Variants in XYLT1 observed in about 807,000 individuals in gnomAD.
XYLT1 encodes xylosyltransferase 1, also known as beta-D-xylosyltransferase 1.
Under a neutral mutation model 91.3 loss-of-function variants are expected in XYLT1, and 36 were observed. The observed-to-expected ratio is 0.39, with a 90% CI of 0.30 to 0.52. The LOEUF (loss-of-function observed/expected upper bound fraction) is 0.52, where lower values mean the gene tolerates loss of function less well. Among genes scored for constraint, XYLT1 ranks in the 20% least tolerant of loss-of-function variants. The probability of loss-of-function intolerance (pLI) is 0.68; values close to 1 mark genes in which losing one functional copy is unlikely to be tolerated. For missense variants in XYLT1, 1,242 were observed against 1,284.5 expected, an observed-to-expected ratio of 0.97 and a Z score of 0.51; for synonymous variants, 588 against 532.0, an observed-to-expected ratio of 1.11 and a Z score of -1.45.
At position 17,141,210 on chromosome 16, in the gene XYLT1, T is replaced by G; in HGVS notation, c.1530A>C (p.Thr510=). The G allele has an allele frequency of 6.2e-7, 1 of 1,614,252 alleles. No individual in the cohort carries two copies. The highest frequency in any genetic ancestry group is 1.1e-5 in the South Asian group (1 of 91,090). The change falls in exon 7 of 12, where the codon ACA becomes ACC. Residue 510 remains threonine, a synonymous_variant. Coordinates refer to ENST00000261381, the MANE Select transcript of XYLT1 (RefSeq NM_022166.4). The part of the protein sequence containing the change: ...RRFVEYVTFS[T]DDLVTKMKQF... ...GTTTCATCTTGGTCACCAGATCGTC[T>G]GTGGAGAAGGTCACATATTCTACAA... is the stretch of plus-strand genomic sequence containing the variant.
chr16:17,342,382 G>C (rs898989563), intron 2 of XYLT1, among the ~76,000 whole-genome samples: 1 of 151,942 alleles, frequency 6.6e-6, no homozygotes, highest in African/African-American at 2.4e-5. Flanking sequence ...GTCCTCCCCT[G>C]CTTTGCTCTC....
At chr16:17,339,993 C>T (rs2141846090) in intron 2 of XYLT1, among the ~76,000 whole-genome samples, 1 of 151,874 alleles carries the variant, frequency 6.6e-6, no homozygotes, top group African/African-American at 2.4e-5. Flanking sequence ...CCTTGTCCAC[C>T]CATCCCTCTA....
intron 3 of XYLT1, among the ~76,000 whole-genome samples, chr16:17,232,184 AC>A (rs2033168181): frequency 6.9e-6 from 1 of 144,084 alleles, no homozygotes; most frequent in Non-Finnish European, 1.5e-5. Context: ...TACAATATAT[AC>A]TATATATAAA....
At position 17,259,146 on chromosome 16, in the gene XYLT1, T is replaced by C. The variant is rs1195845273; in HGVS notation, c.755A>G (p.Asp252Gly). The C allele has an allele frequency of 2.5e-6, 4 of 1,595,364 alleles. 1 individual carries two copies. Among genetic ancestry groups the C allele is most frequent in the Admixed American group, 3.5e-5 (2 of 56,686 alleles). ...TGAGATGTCACACTTAGGGGGCTGG[T>C]CATACTTGGTCTCGGGGGAGCTGCC... ...TGGSSPETKY[D>G]QPPKCDISGK... Residue 252 changes from aspartate (D) to glycine (G), a missense_variant, in exon 3 of 12, where the codon GAC becomes GGC. Asp to Gly is a moderately conservative substitution (Grantham distance 94). Coordinates refer to ENST00000261381, the MANE Select transcript of XYLT1 (RefSeq NM_022166.4).
At chr16:17,319,817 T>A (rs1011540059) in intron 2 of XYLT1, among the ~76,000 whole-genome samples, 2 of 152,156 alleles carry the variant, frequency 1.3e-5, no homozygotes, top group Non-Finnish European at 2.9e-5. Flanking sequence ...CTCACCCCAT[T>A]TCTGGGCCTT....
chr16:17,317,963 A>G (rs1246906235), intron 2 of XYLT1, among the ~76,000 whole-genome samples: 1 of 152,140 alleles, frequency 6.6e-6, no homozygotes, highest in African/African-American at 2.4e-5. Context: ...CAATGCTGGG[A>G]TCAGTTAATT....
intron 5 of XYLT1, among the ~76,000 whole-genome samples, chr16:17,188,476 C>A (rs925376704): frequency 1.3e-5 from 2 of 152,112 alleles, no homozygotes; most frequent in Non-Finnish European, 2.9e-5. Flanking sequence ...CCCAAGCTAC[C>A]CCCTCTTCCT....
Position 17,108,916 on chromosome 16 carries a change from G to A in XYLT1, c.2659C>T (p.Gln887Ter). The part of the protein sequence containing the change: ...PVLSLPINPA[Q>*]VEQARRNAAS... ...GCGTTCCTCCGTGCCTGTTCCACCT[G>A]GGCGGGGTTGATGGGCAGGCTGAGG... The change falls in exon 12 of 12, where the codon CAG (glutamine) becomes TAG (stop). Residue 887 changes from glutamine to a stop codon, truncating the protein, a stop_gained. Transcript: ENST00000261381. LOFTEE classifies it high-confidence loss of function. 6.2e-7 allele frequency: 1 copy of A among 1,602,462 alleles called. No individual in the cohort carries two copies. The highest frequency in any genetic ancestry group is 8.5e-7 in the Non-Finnish European group (1 of 1,171,422).
intron 2 of XYLT1, among the ~76,000 whole-genome samples, chr16:17,303,483 T>C (rs962164832): frequency 3.2e-4 from 48 of 152,342 alleles, no homozygotes; most frequent in African/African-American, 1.1e-3. Context: ...TTTGTGAGCA[T>C]ATAAAAATGT....
chr16:17,464,220 G>A (rs1250478417), intron 1 of XYLT1, among the ~76,000 whole-genome samples: 1 of 152,152 alleles, frequency 6.6e-6, no homozygotes, highest in African/African-American at 2.4e-5. Context: ...CGGGCACAGT[G>A]GCTCACATCT....
At chr16:17,423,001 TC>T (rs1438527496) in intron 1 of XYLT1, among the ~76,000 whole-genome samples, 23 of 152,132 alleles carry the variant, frequency 1.5e-4, no homozygotes, top group African/African-American at 5.3e-4. Flanking sequence ...CCCTGCAAAG[TC>T]CCCGTACAGA....
At chr16:17,265,852 A>G (rs1437512239) in intron 2 of XYLT1, among the ~76,000 whole-genome samples, 1 of 152,064 alleles carries the variant, frequency 6.6e-6, no homozygotes, top group Non-Finnish European at 1.5e-5. Flanking sequence ...GGTTGCCGTG[A>G]TTTTTAAACT....
intron 5 of XYLT1, among the ~76,000 whole-genome samples, chr16:17,192,042 A>G (rs1187484013): frequency 6.8e-6 from 1 of 146,862 alleles, no homozygotes; most frequent in African/African-American, 2.5e-5. Context: ...GCCCCAAGAC[A>G]CCGGACTTAG....
intron 2 of XYLT1, among the ~76,000 whole-genome samples, chr16:17,315,121 G>A (rs1316265820): frequency 6.6e-6 from 1 of 152,172 alleles, no homozygotes; most frequent in Non-Finnish European, 1.5e-5. Context: ...AAGGAGGGAG[G>A]AAGATTTAGA....
In XYLT1 at chr16:17,427,140, G is replaced by C. The variant is rs147680802; in HGVS notation, c.363+43294C>G. ...ATGAATAATTCTGAAAGGCAGCGAA[G>C]GTATCTGGGATTTGGGCAGCAAGTG... is the stretch of plus-strand genomic sequence containing the variant. On this transcript the variant is annotated intron_variant, in intron 1 of 11. Transcript: ENST00000261381. Among the ~76,000 whole-genome samples the C allele has an allele frequency of 1.2e-4, 18 of 152,356 alleles. No individual in the cohort carries two copies. The East Asian group carries it at 3.5e-3, about 29-fold the overall frequency.
intron 1 of XYLT1, among the ~76,000 whole-genome samples, chr16:17,402,164 C>A (rs1025695101): frequency 1.3e-4 from 18 of 143,784 alleles, no homozygotes; most frequent in Non-Finnish European, 1.8e-4. Flanking sequence ...CACACACACA[C>A]AAAAAGTTAG....
chr16:17,194,785 C>T (rs371462830), intron 5 of XYLT1, among the ~76,000 whole-genome samples: 1 of 152,226 alleles, frequency 6.6e-6, no homozygotes, highest in East Asian at 1.9e-4. Flanking sequence ...GCATTCATCA[C>T]ATGACATTGG....
chr16:17,288,934 C>T (rs1416231734), intron 2 of XYLT1, among the ~76,000 whole-genome samples: 5 of 152,012 alleles, frequency 3.3e-5, no homozygotes, highest in African/African-American at 1.2e-4. Flanking sequence ...TAAAACATCC[C>T]AAGAATACAA....
chr16:17,123,951 A>C (rs1159811599), intron 10 of XYLT1, among the ~76,000 whole-genome samples: 1 of 151,286 alleles, frequency 6.6e-6, no homozygotes, highest in Non-Finnish European at 1.5e-5. Context: ...AAGAATTGCT[A>C]CTCCTGCTCA....
Sources: allele counts gnomAD v4.1 joint callset (sites outside exome capture counted in the v4.1 genomes callset), GRCh38; gene constraint gnomAD v4.1.1; transcripts MANE v1.5; gene names NCBI Gene and HGNC (gene_info 2026-07-23, HGNC 2026-07-21).